The following ZNF726 variants were observed in gnomAD, a reference collection of about 807,000 sequenced individuals.
ZNF726 encodes the protein zinc finger protein 92 pseudogene 3.
Under a neutral mutation model 11.6 loss-of-function variants are expected in ZNF726, and 15 were observed. The observed-to-expected ratio is 1.29, with a 90% CI of 0.86 to 1.99. The LOEUF (loss-of-function observed/expected upper bound fraction) is 1.99, where lower values mean the gene tolerates loss of function less well. ZNF726 is among the 30% of genes most tolerant of loss of function. The pLI is 0.00. For missense variants in ZNF726, 890 were observed against 725.6 expected, an observed-to-expected ratio of 1.23 and a Z score of -2.60; for synonymous variants, 295 against 243.6, an observed-to-expected ratio of 1.21 and a Z score of -1.96.
Position 23,932,713 on chromosome 19 carries a change from G to T in ZNF726, c.597G>T (p.Lys199Asn), listed in dbSNP as rs775337287. 19 of 1,608,188 alleles carry T rather than the reference G, an allele frequency of 1.2e-5. No individual in the cohort carries two copies. The highest frequency in any genetic ancestry group is 1.6e-5 in the Non-Finnish European group (19 of 1,178,466). The change falls in exon 4 of 4, where the codon AAG becomes AAT. Residue 199 changes from lysine (K) to asparagine (N), a missense_variant. Coordinates refer to ENST00000594466, the MANE Select transcript of ZNF726 (RefSeq NM_001244038.2). Reference sequence around the variant, plus strand: ...ATAAAAGCATATATACTACAGAGAAGTCCTACAAATGTAAAGAATGTGGAA... The same window carrying T: ...ATAAAAGCATATATACTACAGAGAATTCCTACAAATGTAAAGAATGTGGAA... Reference protein sequence around the residue: ...TQHKSIYTTEKSYKCKECGKT... With the variant: ...TQHKSIYTTENSYKCKECGKT...
chr19:23,941,673 A>G (rs1968341192), intron 3 of ZNF726, among the ~76,000 whole-genome samples: 2 of 151,938 alleles, frequency 1.3e-5, no homozygotes, highest in Non-Finnish European at 2.9e-5. Flanking sequence ...TGTTCAGGGT[A>G]TCTAATTCTT....
At position 23,920,005 on chromosome 19, in the gene ZNF726, C is replaced by G. The variant is rs748824287; in HGVS notation, c.149C>G (p.Pro50Arg). 1.9e-5 allele frequency: 30 copies of G among 1,584,252 alleles called. No homozygotes were observed. Among genetic ancestry groups the G allele is most frequent in the Non-Finnish European group, 2.6e-5 (30 of 1,163,010 alleles). The change falls in exon 3 of 4, where the codon CCA (proline) becomes CGA (arginine). Residue 50 changes from proline to arginine, a missense_variant. Coordinates refer to ENST00000594466, the MANE Select transcript of ZNF726 (RefSeq NM_001244038.2). ...LAFLGIAVSK[P>R]DLIICLEKEK... ...AAAACAGGTATTGCTGTCTCTAAGC[C>G]AGACCTCATCATCTGTCTGGAGAAA... is the stretch of plus-strand genomic sequence containing the variant.
chr19:23,921,289 C>G lies in ZNF726; in HGVS notation c.226+1207C>G, dbSNP rs1049424477. 2.0e-5 allele frequency: 3 copies of G among 152,044 alleles called. 1 individual carries two copies. Among genetic ancestry groups the G allele is most frequent in the South Asian group, 2.1e-4 (1 of 4,812 alleles). The allele number at this position is 152,044 out of a possible 1,614,324, so 9.4% of individuals were successfully genotyped here. A position where few individuals can be genotyped will look rare whatever the true frequency, so the allele number is the denominator to read the frequency against. The stretch of plus-strand genomic sequence containing the variant: ...TTAGCCTGGGCGGCAGAGCAAGACT[C>G]TCTCTCGATGTATATATATATAGTT... On this transcript the variant is annotated intron_variant, in intron 3 of 3. Transcript: ENST00000594466.
Position 23,919,437 on chromosome 19 carries a change from C to G in ZNF726, c.68C>G (p.Thr23Ser). ...CTGGAGGAGTGGCAGTGCCTGGACA[C>G]TGCACAGAAGAATTTATATAGGAAT... ...FSLEEWQCLD[T>S]AQKNLYRNVM... The change falls in exon 2 of 4, where the codon ACT (threonine) becomes AGT (serine). Residue 23 changes from threonine to serine, a missense_variant. By Grantham distance (58) the Thr-to-Ser change is moderately conservative. Transcript: ENST00000594466. 6.2e-7 allele frequency: 1 copy of G among 1,608,216 alleles called. No individual in the cohort carries two copies. The highest frequency in any genetic ancestry group is 8.5e-7 in the Non-Finnish European group (1 of 1,176,534).
At chr19:23,922,107 A>G (rs529952204) in intron 3 of ZNF726, among the ~76,000 whole-genome samples, 106 of 152,342 alleles carry the variant, frequency 7.0e-4, no homozygotes, top group Non-Finnish European at 1.2e-3. Flanking sequence ...GGTTTGCACA[A>G]GGGTCCACTT....
chr19:23,934,626 T>A (rs1433515930), downstream of ZNF726: 1 of 291,642 alleles, frequency 3.4e-6, no homozygotes, highest in African/African-American at 2.2e-5. Flanking sequence ...GCTCCTCTCT[T>A]GTTCAGCAGC....
chr19:23,942,382 A>G (rs1243699088), intron 3 of ZNF726, among the ~76,000 whole-genome samples: 1 of 152,152 alleles, frequency 6.6e-6, no homozygotes, highest in Non-Finnish European at 1.5e-5. Flanking sequence ...GGCCTATCAT[A>G]TGATCTATCT....
In ZNF726 at chr19:23,919,511, T is replaced by C. The variant is rs201763952; in HGVS notation, c.130+12T>C. 2.5e-6 allele frequency: 4 copies of C among 1,569,960 alleles called. No homozygotes were observed. Among genetic ancestry groups the C allele is most frequent in the Non-Finnish European group, 3.4e-6 (4 of 1,164,090 alleles). On this transcript the variant is annotated intron_variant, in intron 2 of 3. Transcript: ENST00000594466. ...CCTGGCCTTCCTGGGTGAGGATAAC[T>C]TTAATACAAAATTTTTAATATAAAC...
chr19:23,933,019 C>A lies in ZNF726; in HGVS notation c.903C>A (p.Thr301=). The A allele has an allele frequency of 6.3e-7, 1 of 1,587,544 alleles. No homozygotes were observed. Among genetic ancestry groups the A allele is most frequent in the African/African-American group, 1.4e-5 (1 of 70,898 alleles). ...GKAFSQPSAL[T]IHKRMHIGEK... Reference sequence around the variant, plus strand: ...CATTTAGCCAACCCTCAGCACTAACCATACATAAGAGGATGCACATTGGAG... The same window carrying A: ...CATTTAGCCAACCCTCAGCACTAACAATACATAAGAGGATGCACATTGGAG... The change falls in exon 4 of 4, where the codon ACC becomes ACA. Residue 301 remains threonine (T), a synonymous_variant. Coordinates refer to ENST00000594466, the MANE Select transcript of ZNF726 (RefSeq NM_001244038.2).
intron 1 of ZNF726, among the ~76,000 whole-genome samples, chr19:23,917,887 G>A (rs1186703612): frequency 6.6e-6 from 1 of 152,138 alleles, no homozygotes; most frequent in East Asian, 1.9e-4. Context: ...CTGCAGGAGG[G>A]TGCCCCTTGT....
intron 1 of ZNF726, among the ~76,000 whole-genome samples, chr19:23,918,122 G>A (rs1967749495): frequency 6.6e-6 from 1 of 152,160 alleles, no homozygotes. Context: ...GACGGGAGGG[G>A]TAATTCACAG....
intron 3 of ZNF726, among the ~76,000 whole-genome samples, chr19:23,931,392 T>C (rs1968101910): frequency 1.3e-5 from 2 of 152,220 alleles, no homozygotes; most frequent in African/African-American, 4.8e-5. Flanking sequence ...TAAATATTTT[T>C]GTTCTCGTCC....
At chr19:23,928,567 C>G (rs899681305) in intron 3 of ZNF726, 2 of 152,020 alleles carry the variant, frequency 1.3e-5, no homozygotes, top group African/African-American at 4.8e-5. Context: ...ACCCATTTTA[C>G]CAATATATAC....
intron 1 of ZNF726, among the ~76,000 whole-genome samples, chr19:23,916,362 C>T (rs937145201): frequency 1.3e-5 from 2 of 151,282 alleles, no homozygotes; most frequent in African/African-American, 2.4e-5. Context: ...GAGCCTTGCT[C>T]TGTTGCAGTG....
chr19:23,933,573 G>A lies in ZNF726; in HGVS notation c.1457G>A (p.Cys486Tyr), dbSNP rs145319142. ...GAGAAACCCTACAAATGTGAAGAAT[G>A]TGGCAAAGCTTTTAGCCAGTCCTCA... ...TGEKPYKCEE[C>Y]GKAFSQSSTL... The change falls in exon 4 of 4, where the codon TGT (cysteine) becomes TAT (tyrosine). Residue 486 changes from cysteine to tyrosine, a missense_variant. By Grantham distance (194) the Cys-to-Tyr change is radical (BLOSUM62 -2). Coordinates refer to ENST00000594466, the MANE Select transcript of ZNF726 (RefSeq NM_001244038.2). 1.8e-4 allele frequency: 293 copies of A among 1,612,160 alleles called. No homozygotes were observed. The African/African-American group carries it at 3.4e-3, about 19-fold the overall frequency.
At chr19:23,929,141 A>G (rs1344412263) in intron 3 of ZNF726, 1 of 152,016 alleles carries the variant, frequency 6.6e-6, no homozygotes, top group African/African-American at 2.4e-5. Flanking sequence ...TACTACTTTT[A>G]TTGTGATTGT....
intron 3 of ZNF726, chr19:23,928,600 G>A (rs577113016): frequency 1.3e-5 from 2 of 152,100 alleles, no homozygotes; most frequent in South Asian, 4.2e-4. Flanking sequence ...TCTCACGTTA[G>A]CACTTGACTT....
chr19:23,927,327 T>A (rs1968010246), intron 3 of ZNF726, among the ~76,000 whole-genome samples: 1 of 152,232 alleles, frequency 6.6e-6, no homozygotes, highest in Admixed American at 6.5e-5. Flanking sequence ...GAAAAATTAA[T>A]GTTTTTTTAT....
chr19:23,942,000 T>C (rs1968345929), intron 3 of ZNF726, among the ~76,000 whole-genome samples: 1 of 152,156 alleles, frequency 6.6e-6, no homozygotes, highest in Admixed American at 6.5e-5. Flanking sequence ...ATTTCCTTTT[T>C]TCTGCTGGGT....
Sources: gnomAD v4.1 joint callset for allele counts (sites outside exome capture counted in the v4.1 genomes callset) on GRCh38, gnomAD v4.1.1 for gene constraint, MANE v1.5 for transcripts, NCBI Gene and HGNC (gene_info 2026-07-23, HGNC 2026-07-21) for gene names.